The following ANKRD36 variants were observed in gnomAD, a reference collection of about 807,000 sequenced individuals.
ANKRD36 encodes ankyrin repeat domain-containing protein 36A.
Under a neutral mutation model 278.1 loss-of-function variants are expected in ANKRD36, and 179 were observed. That is an observed-to-expected ratio of 0.64 (90% CI 0.57 to 0.73). The LOEUF (loss-of-function observed/expected upper bound fraction) is 0.73. Ranked by LOEUF, ANKRD36 falls within the 30% of genes least tolerant of loss-of-function variation. ANKRD36 has a pLI of 0.00. For missense variants in ANKRD36, 1,159 were observed against 1,956.7 expected (o/e 0.59, Z 7.69); for synonymous variants, 320 against 641.1 (o/e 0.50, Z 7.57).
At chr2:97,180,715 G>A (rs201555253) in intron 24 of ANKRD36, among the ~76,000 whole-genome samples, 16 of 151,698 alleles carry the variant, frequency 1.1e-4, no homozygotes, top group African/African-American at 3.9e-4. Flanking sequence ...GATAAAATAG[G>A]TATTTAATGA....
At chr2:97,135,712 A>G (rs1486688492) in intron 6 of ANKRD36, among the ~76,000 whole-genome samples, 2 of 151,796 alleles carry the variant, frequency 1.3e-5, no homozygotes, top group African/African-American at 4.8e-5. Flanking sequence ...GATATCATAT[A>G]TAATGTGTAT....
At chr2:97,195,963 G>T (rs1283917694) in intron 40 of ANKRD36, among the ~76,000 whole-genome samples, 4 of 151,952 alleles carry the variant, frequency 2.6e-5, no homozygotes, top group Admixed American at 6.6e-5. Context: ...CATTTGGAAG[G>T]CTAAACTAGT....
Position 97,194,734 on chromosome 2 carries a change from C to A in ANKRD36, c.2458C>A (p.Arg820=). ...DGEKSRTVSS[R]KKPALKATSD... is the part of the protein sequence containing the mutation. ...TCCCTTTTGCTTTTCAGTGTCTTCT[C>A]GGAAAAAACCAGCCTTGAAGGTAAT... Residue 820 remains arginine (R), a synonymous_variant, in exon 39 of 76, where the codon CGG becomes AGG. Transcript: ENST00000420699. The A allele has an allele frequency of 1.9e-6, 3 of 1,604,492 alleles. No individual in the cohort carries two copies. Among genetic ancestry groups the A allele is most frequent in the South Asian group, 1.1e-5 (1 of 90,552 alleles).
intron 5 of ANKRD36, 99 bp downstream of exon 5, chr2:97,124,696 T>C (rs2038045774): frequency 7.3e-7 from 1 of 1,372,650 alleles, no homozygotes; most frequent in African/African-American, 1.5e-5. Flanking sequence ...CATAGTTTGG[T>C]TCAAGTAGTT....
chr2:97,118,987 C>A lies in ANKRD36; in HGVS notation c.486+470C>A, dbSNP rs1172040035. On this transcript the variant is annotated intron_variant, in intron 3 of 75. Transcript: ENST00000420699. ...AAGGTGATTTCATTTGAAAGTGATT[C>A]CTCTGTGGAAAGGCTTAAGAGGGAA... Among the ~76,000 whole-genome samples the A allele has an allele frequency of 5.4e-5, 4 of 74,246 alleles. 2 individuals are homozygous for A. Among genetic ancestry groups the A allele is most frequent in the Non-Finnish European group, 1.8e-4 (4 of 22,340 alleles). 48.7% of individuals were successfully genotyped at this position (74,246 alleles called of 152,430 possible).
chr2:97,158,196 T>C (rs1198847678), intron 16 of ANKRD36, 29 bp downstream of exon 16: 2 of 1,414,014 alleles, frequency 1.4e-6, no homozygotes, highest in Admixed American at 2.2e-5. Flanking sequence ...GACTATTATA[T>C]TATCTACTGA....
At chr2:97,203,666 A>T (rs1381434895) in intron 48 of ANKRD36, among the ~76,000 whole-genome samples, 1 of 151,808 alleles carries the variant, frequency 6.6e-6, no homozygotes, top group African/African-American at 2.4e-5. Flanking sequence ...TTGTAGTATA[A>T]TGGTGTAAAT....
chr2:97,185,692 G>C (rs368132218), intron 30 of ANKRD36, among the ~76,000 whole-genome samples, 182 bp downstream of exon 30: 8 of 151,650 alleles, frequency 5.3e-5, no homozygotes, highest in African/African-American at 1.9e-4. Context: ...CCTGATCTTC[G>C]CAGTAAGATT....
Position 97,119,054 on chromosome 2 carries a change from T to C in ANKRD36, c.486+537T>C, listed in dbSNP as rs1464731962. On this transcript the variant is annotated intron_variant, in intron 3 of 75. Transcript: ENST00000420699. ...AGCAATCAGAAATGCACAAGCTAAT[T>C]TGGAAATTAGGTAATGAGGGAAAAT... Among the ~76,000 whole-genome samples the C allele has an allele frequency of 1.2e-4, 5 of 42,986 alleles. 1 individual carries two copies. Among genetic ancestry groups the C allele is most frequent in the African/African-American group, 2.5e-4 (5 of 20,324 alleles). 28.2% of individuals were successfully genotyped at this position (42,986 alleles called of 152,430 possible). A position where few individuals can be genotyped will look rare whatever the true frequency, so the allele number is the denominator to read the frequency against.
At chr2:97,175,042 G>T (rs1301556637) in intron 22 of ANKRD36, among the ~76,000 whole-genome samples, 7 of 145,274 alleles carry the variant, frequency 4.8e-5, no homozygotes, top group African/African-American at 1.7e-4. Flanking sequence ...ATTTTATTGA[G>T]GATTTTTGCA....
At chr2:97,138,294 A>G (rs572502876) in intron 6 of ANKRD36, among the ~76,000 whole-genome samples, 1 of 152,120 alleles carries the variant, frequency 6.6e-6, no homozygotes, top group East Asian at 1.9e-4. Flanking sequence ...ATTCCTATAC[A>G]CCAGTAATAG....
chr2:97,180,594 C>T (rs2153541473), intron 24 of ANKRD36, among the ~76,000 whole-genome samples: 1 of 149,740 alleles, frequency 6.7e-6, no homozygotes, highest in East Asian at 2.4e-4. Flanking sequence ...CATTACTCCT[C>T]TTTGCTACTA....
chr2:97,115,105 T>TTACA (rs1467520938), intron 1 of ANKRD36, among the ~76,000 whole-genome samples: 2 of 152,110 alleles, frequency 1.3e-5, no homozygotes, highest in African/African-American at 4.8e-5. Context: ...TTTGCCGCAA[T>TTACA]TACAAGTAAT....
At chr2:97,206,694 T>A (rs1327253259) in intron 52 of ANKRD36, among the ~76,000 whole-genome samples, 1 of 151,428 alleles carries the variant, frequency 6.6e-6, no homozygotes, top group East Asian at 1.9e-4. Context: ...TTTGGAATAT[T>A]TTAATAAAAA....
At chr2:97,188,878 G>C (rs2057991296) in intron 32 of ANKRD36, among the ~76,000 whole-genome samples, 1 of 89,722 alleles carries the variant, frequency 1.1e-5, no homozygotes, top group African/African-American at 2.6e-5. Context: ...TACCATGTTT[G>C]AAATTGTAAG....
At chr2:97,203,963 C>T in intron 48 of ANKRD36, 105 bp from the exon 49 acceptor site, 15 of 1,492,182 alleles carry the variant, frequency 1.0e-5, no homozygotes, top group Non-Finnish European at 1.4e-5. Context: ...AAAGCATACG[C>T]TAATACAGGC....
intron 6 of ANKRD36, among the ~76,000 whole-genome samples, chr2:97,140,042 AT>A (rs1352354226): frequency 6.6e-6 from 1 of 151,102 alleles, no homozygotes; most frequent in Admixed American, 6.7e-5. Context: ...GTGTGTGTGT[AT>A]TTTTTTCTCT....
At chr2:97,227,072 C>T (rs7601185) in intron 67 of ANKRD36, among the ~76,000 whole-genome samples, 2 of 152,068 alleles carry the variant, frequency 1.3e-5, no homozygotes, top group African/African-American at 4.8e-5. Context: ...TGCCTCCAGC[C>T]TTGTTCTTTT....
At position 97,204,250 on chromosome 2, in the gene ANKRD36, A is replaced by G. The variant is rs1304005069; in HGVS notation, c.3048A>G (p.Glu1016=). The G allele has an allele frequency of 6.4e-7, 1 of 1,569,022 alleles. No individual in the cohort carries two copies. Among genetic ancestry groups the G allele is most frequent in the African/African-American group, 1.4e-5 (1 of 73,248 alleles). ...TAGCCAGAGGAAAAAAGGATGGAGA[A>G]AAAACTAGGACAGGTAATTTTGAAA... is the stretch of plus-strand genomic sequence containing the variant. The part of the protein sequence containing the change: ...LNIARGKKDG[E]KTRTVSSQKP... The change falls in exon 50 of 76, where the codon GAA becomes GAG. Residue 1016 remains glutamate, a synonymous_variant. Coordinates refer to ENST00000420699, the MANE Select transcript of ANKRD36 (RefSeq NM_001354587.1).
Sources: allele counts gnomAD v4.1 joint callset (sites outside exome capture counted in the v4.1 genomes callset), GRCh38; gene constraint gnomAD v4.1.1; transcripts MANE v1.5; gene names NCBI Gene and HGNC (gene_info 2026-07-23, HGNC 2026-07-21).